The following RAPGEF5 variants were observed in gnomAD, a reference collection of about 807,000 sequenced individuals.
The protein encoded by RAPGEF5 is Rap guanine nucleotide exchange factor 5, also known as M-Ras-regulated GEF.
A neutral mutation model predicts 125.2 loss-of-function variants in RAPGEF5; 65 were observed. That is an observed-to-expected ratio of 0.52 (90% CI 0.43 to 0.64). The LOEUF (loss-of-function observed/expected upper bound fraction) is 0.64, where lower values mean the gene tolerates loss of function less well. Among genes scored for constraint, RAPGEF5 ranks in the 30% least tolerant of loss-of-function variants. The pLI, the probability that RAPGEF5 is intolerant of heterozygous loss-of-function variation, is 0.00. For missense variants in RAPGEF5, 958 were observed against 1,048.1 expected (o/e 0.91, Z 1.19); for synonymous variants, 391 against 385.9 (o/e 1.01, Z -0.16).
chr7:22,145,142 G>A lies in RAPGEF5; in HGVS notation c.2088C>T (p.Cys696=), dbSNP rs1308741997. Residue 696 remains cysteine, a synonymous_variant, in exon 20 of 26, where the codon TGC becomes TGT. Coordinates refer to ENST00000665637, the MANE Select transcript of RAPGEF5 (RefSeq NM_012294.5). ...TGGCCACCCAAAGCTGGACCTCATT[G>A]CATCTCTGGAGCAGAAGGCTGAGAT... ...TANLSLLLQR[C]NEVQLWVATE... The A allele has an allele frequency of 6.2e-7, 1 of 1,613,664 alleles. No individual in the cohort carries two copies. Among genetic ancestry groups the A allele is most frequent in the Non-Finnish European group, 8.5e-7 (1 of 1,179,804 alleles).
At chr7:22,312,499 A>G (rs1783496569) in intron 3 of RAPGEF5, among the ~76,000 whole-genome samples, 1 of 152,038 alleles carries the variant, frequency 6.6e-6, no homozygotes, top group African/African-American at 2.4e-5. Context: ...ATGAGCCACC[A>G]CGCCTGGCCA....
rs370309016 is a variant in RAPGEF5 at position 22,226,758 on chromosome 7, C to T, written c.870+4088G>A. 1.3e-5 allele frequency among the ~76,000 whole-genome samples: 2 copies of T among 152,234 alleles called. 1 individual carries two copies. The highest frequency in any genetic ancestry group is 4.2e-4 in the South Asian group (2 of 4,810). On this transcript the variant is annotated intron_variant, in intron 8 of 25. Transcript: ENST00000665637. ...AATTCCTAGCCCGTCACTGTCCAGG[C>T]AAGGCAATGGACATTCAGTTTCTCT...
At chr7:22,127,319 A>G (rs1327891638) in intron 24 of RAPGEF5, among the ~76,000 whole-genome samples, 2 of 152,128 alleles carry the variant, frequency 1.3e-5, no homozygotes, top group Admixed American at 6.6e-5. Context: ...GATTACAGGC[A>G]TCAGCCACCC....
chr7:22,162,751 G>A (rs1333729168), intron 12 of RAPGEF5, among the ~76,000 whole-genome samples: 18 of 152,228 alleles, frequency 1.2e-4, no homozygotes, highest in Admixed American at 1.2e-3. Flanking sequence ...TAGGCAGCCA[G>A]GAAGTGAAGG....
At chr7:22,248,305 G>C (rs775857168) in intron 7 of RAPGEF5, among the ~76,000 whole-genome samples, 1 of 152,156 alleles carries the variant, frequency 6.6e-6, no homozygotes, top group African/African-American at 2.4e-5. Context: ...ACTCATGGAG[G>C]CCTGTTATAA....
chr7:22,121,014 T>C lies in RAPGEF5; in HGVS notation c.*1392A>G, dbSNP rs1191817513. The C allele has an allele frequency of 2.0e-5, 3 of 151,976 alleles. No individual in the cohort carries two copies. The highest frequency in any genetic ancestry group is 4.4e-5 in the Non-Finnish European group (3 of 67,986). The allele number at this position is 151,976 out of a possible 1,614,324, so 9.4% of individuals were successfully genotyped here. ...CACCAAGACTCCTGCATTTGGAAAA[T>C]GAATGGACCAGGCCCTTGCATTTTA... On this transcript the variant is annotated 3_prime_UTR_variant, in exon 26 of 26. Transcript: ENST00000665637.
intron 11 of RAPGEF5, among the ~76,000 whole-genome samples, chr7:22,189,764 G>T (rs1477968048): frequency 6.6e-6 from 1 of 152,088 alleles, no homozygotes; most frequent in African/African-American, 2.4e-5. Flanking sequence ...TTTAAACAAT[G>T]AAGAACTATC....
At chr7:22,138,031 A>ACACGCACG (rs989398986) in intron 21 of RAPGEF5, among the ~76,000 whole-genome samples, 5 of 132,082 alleles carry the variant, frequency 3.8e-5, no homozygotes, top group African/African-American at 1.3e-4. Context: ...ACACACACAC[A>ACACGCACG]CACGCACGCA....
intron 1 of RAPGEF5, among the ~76,000 whole-genome samples, chr7:22,339,985 G>A (rs1784095402): frequency 1.3e-5 from 2 of 152,156 alleles, no homozygotes; most frequent in Non-Finnish European, 2.9e-5. Flanking sequence ...TATGGGAAGT[G>A]GGGAATGTGA....
intron 21 of RAPGEF5, 51 bp downstream of exon 21, chr7:22,139,974 T>C: frequency 7.0e-7 from 1 of 1,435,986 alleles, no homozygotes; most frequent in Admixed American, 2.0e-5. Flanking sequence ...TCCATGTAAA[T>C]TACTTTATTT....
chr7:22,339,493 CAGCAAAAGCTGCAAT>C (rs1784087769), intron 1 of RAPGEF5, among the ~76,000 whole-genome samples: 1 of 152,060 alleles, frequency 6.6e-6, no homozygotes, highest in Non-Finnish European at 1.5e-5. Context: ...TTTGTTATTG[CAGCAAAAGCTGCAAT>C]AACCATCCTG....
At chr7:22,153,405 T>C (rs2128108133) in intron 17 of RAPGEF5, among the ~76,000 whole-genome samples, 1 of 152,304 alleles carries the variant, frequency 6.6e-6, no homozygotes, top group African/African-American at 2.4e-5. Context: ...CATATGTTTC[T>C]CAAATTCTTT....
In RAPGEF5 at chr7:22,161,537, AACACACACACAC is replaced by A. The variant is rs369030719; in HGVS notation, c.1428+848_1428+859del. On this transcript the variant is annotated intron_variant, in intron 13 of 25. Coordinates refer to ENST00000665637, the MANE Select transcript of RAPGEF5 (RefSeq NM_012294.5). ...GGGTAGCAGAGCAAGACCCTGTCTC[AACACACACACAC>A]ACACACACACACACACACACACACA... is the stretch of plus-strand genomic sequence containing the variant. Among the ~76,000 whole-genome samples, 170 of 136,120 alleles carry A rather than the reference AACACACACACAC, an allele frequency of 1.2e-3. 1 individual carries two copies. Among genetic ancestry groups the A allele is most frequent in the African/African-American group, 3.9e-3 (144 of 36,490 alleles). The allele number at this position is 136,120 out of a possible 152,430, so 89.3% of individuals were successfully genotyped here.
intron 7 of RAPGEF5, among the ~76,000 whole-genome samples, chr7:22,260,195 A>G (rs188147813): frequency 2.0e-5 from 3 of 152,356 alleles, no homozygotes; most frequent in African/African-American, 2.4e-5. Context: ...GTATGACACT[A>G]TAATGGTGGA....
At chr7:22,205,456 A>G (rs2128129251) in intron 9 of RAPGEF5, among the ~76,000 whole-genome samples, 1 of 152,308 alleles carries the variant, frequency 6.6e-6, no homozygotes, top group East Asian at 1.9e-4. Flanking sequence ...TTCCTTCTCT[A>G]TCAGCTCCAG....
chr7:22,307,134 G>T (rs558627253), intron 5 of RAPGEF5, among the ~76,000 whole-genome samples: 1 of 152,254 alleles, frequency 6.6e-6, no homozygotes, highest in South Asian at 2.1e-4. Flanking sequence ...TCTGTAGATT[G>T]CTTTGGGTAA....
At chr7:22,278,081 A>G (rs987708252) in intron 6 of RAPGEF5, among the ~76,000 whole-genome samples, 2 of 152,164 alleles carry the variant, frequency 1.3e-5, no homozygotes, top group East Asian at 1.9e-4. Context: ...AACATGATTT[A>G]CTTGCTATAA....
chr7:22,350,067 C>T (rs4722129), intron 1 of RAPGEF5, among the ~76,000 whole-genome samples: 27,825 of 152,142 alleles, frequency 0.18, 2,698 homozygotes, highest in Admixed American at 0.24. Context: ...CATATAAAAT[C>T]TTATGATCTC....
intron 1 of RAPGEF5, among the ~76,000 whole-genome samples, chr7:22,343,002 C>A (rs1475285096): frequency 6.6e-6 from 1 of 152,172 alleles, no homozygotes; most frequent in Non-Finnish European, 1.5e-5. Flanking sequence ...CTACTGGTAT[C>A]AATTTACTGT....
Sources: allele counts gnomAD v4.1 joint callset (sites outside exome capture counted in the v4.1 genomes callset), GRCh38; gene constraint gnomAD v4.1.1; transcripts MANE v1.5; gene names NCBI Gene and HGNC (gene_info 2026-07-23, HGNC 2026-07-21).